FAXDC2: variants seen among roughly 807,000 people sequenced by gnomAD.
The protein encoded by FAXDC2 is fatty acid hydroxylase domain-containing protein 2.
FAXDC2 carries 41 observed loss-of-function variants against 40.9 expected under a neutral mutation model. That is an observed-to-expected ratio of 1.00 (90% CI 0.78 to 1.30). FAXDC2 has a LOEUF of 1.30. Ranked by LOEUF, FAXDC2 falls within the 50% of genes most tolerant of loss-of-function variation. FAXDC2 has a pLI of 0.00. For synonymous variants in FAXDC2, 157 were observed against 149.3 expected (o/e 1.05, Z -0.38); for missense variants, 390 against 408.8 (o/e 0.95, Z 0.40).
chr5:154,828,686 T>A (rs1336450886), intron 5 of FAXDC2, among the ~76,000 whole-genome samples: 3 of 151,470 alleles, frequency 2.0e-5, no homozygotes, highest in Non-Finnish European at 4.4e-5. Context: ...AGCCTTGAAC[T>A]CCTAGGTTCA....
rs750535766 is a variant in FAXDC2, at chr5:154,834,849, A to G, written c.134T>C (p.Val45Ala). 5.6e-6 allele frequency: 9 copies of G among 1,611,026 alleles called. No homozygotes were observed. Among genetic ancestry groups the G allele is most frequent in the Non-Finnish European group, 5.9e-6 (7 of 1,178,284 alleles). ...CTGGGTGGAGCCGACTTACCATGTC[A>G]CTGAGTTCCAGAAGGCCACAAATGA... ...LLSFVAFWNS[V>A]TWHLQRFWGA... Residue 45 changes from valine (V) to alanine (A), a missense_variant, in exon 3 of 9, where the codon GTG (valine) becomes GCG (alanine). Coordinates refer to ENST00000326080, the MANE Select transcript of FAXDC2 (RefSeq NM_032385.5).
chr5:154,847,365 C>G (rs936452260), intron 1 of FAXDC2, among the ~76,000 whole-genome samples: 1 of 152,048 alleles, frequency 6.6e-6, no homozygotes, highest in Non-Finnish European at 1.5e-5. Flanking sequence ...TTTACAACTT[C>G]AAGAATCTGA....
At chr5:154,837,216 A>G (rs764251740) in intron 2 of FAXDC2, among the ~76,000 whole-genome samples, 1 of 148,956 alleles carries the variant, frequency 6.7e-6, no homozygotes, top group Admixed American at 6.7e-5. Context: ...ACGTGCACAC[A>G]CTCTCTCTCT....
In FAXDC2 at chr5:154,833,708, C is replaced by T. The variant is rs114502473; in HGVS notation, c.244+917G>A. On this transcript the variant is annotated intron_variant, in intron 4 of 8. Transcript: ENST00000326080. ...TTTTTGAGACGAAGTTTCACACTGT[C>T]GCCCAGCTGGAGTGCAGTGTCATGA... is the stretch of plus-strand genomic sequence containing the variant. 6.7e-3 allele frequency among the ~76,000 whole-genome samples: 1,014 copies of T among 150,838 alleles called. 13 individuals carry two copies. The highest frequency in any genetic ancestry group is 0.023 in the African/African-American group (944 of 41,006).
intron 1 of FAXDC2, among the ~76,000 whole-genome samples, chr5:154,839,190 G>A (rs1368649547): frequency 1.3e-5 from 2 of 151,764 alleles, no homozygotes; most frequent in South Asian, 2.1e-4. Flanking sequence ...GCCAGGCATG[G>A]TGGTGCATGC....
chr5:154,849,412 T>A (rs1760680579), intron 1 of FAXDC2, among the ~76,000 whole-genome samples: 1 of 152,176 alleles, frequency 6.6e-6, no homozygotes, highest in Non-Finnish European at 1.5e-5. Context: ...TTGAGCTTAC[T>A]GTTCTGCTTG....
chr5:154,825,650 CAAAA>C (rs386358555), intron 5 of FAXDC2, among the ~76,000 whole-genome samples: 668 of 30,170 alleles, frequency 0.022, 79 homozygotes, highest in African/African-American at 0.097. Flanking sequence ...GACTCCGTCT[CAAAA>C]AAAAAAAAAA....
At chr5:154,821,625 T>C (rs1759891765) in intron 7 of FAXDC2, among the ~76,000 whole-genome samples, 199 bp from the exon 8 acceptor site, 1 of 152,148 alleles carries the variant, frequency 6.6e-6, no homozygotes, top group Non-Finnish European at 1.5e-5. Flanking sequence ...AGCCTCAACT[T>C]TCTTGTTAGC....
At chr5:154,828,601 T>G (rs1393617393) in intron 5 of FAXDC2, among the ~76,000 whole-genome samples, 2 of 151,044 alleles carry the variant, frequency 1.3e-5, no homozygotes, top group Admixed American at 6.6e-5. Flanking sequence ...TTTTTTGTTT[T>G]TTTTTTCCCC....
At chr5:154,821,015 T>G in intron 8 of FAXDC2, 1 of 484,338 alleles carries the variant, frequency 2.1e-6, no homozygotes, top group Non-Finnish European at 3.7e-6. Context: ...CTAAAGAGAA[T>G]GTCCAGAGCT....
chr5:154,834,945 G>GA lies in FAXDC2; in HGVS notation c.49-12_49-11insT. ...CCAGATGTGTCCCTCCTGGAGGAGG[G>GA]CAGGGAAGTGTCAGACCCCAGCAAG... On this transcript the variant is annotated splice_polypyrimidine_tract_variant and intron_variant, in intron 2 of 8. Coordinates refer to ENST00000326080, the MANE Select transcript of FAXDC2 (RefSeq NM_032385.5). 1 of 1,557,434 alleles carries GA rather than the reference G, an allele frequency of 6.4e-7. No individual in the cohort carries two copies.
Position 154,822,767 on chromosome 5 carries a change from C to G in FAXDC2, c.573-190G>C, listed in dbSNP as rs189576970. ...TTTGGGAGTGGGTTGCTTTGCTTCTCTATGCCAGTTGTATTCGCTGTAAAA... is the reference window on the plus strand; with the variant it reads ...TTTGGGAGTGGGTTGCTTTGCTTCTGTATGCCAGTTGTATTCGCTGTAAAA... On this transcript the variant is annotated intron_variant, in intron 6 of 8. Transcript: ENST00000326080. 4.8e-3 allele frequency among the ~76,000 whole-genome samples: 738 copies of G among 152,292 alleles called. 7 individuals carry two copies. The highest frequency in any genetic ancestry group is 7.9e-3 in the Non-Finnish European group (540 of 68,022).
rs1759942875 is a variant in FAXDC2, at chr5:154,823,582, A to G, written c.377T>C (p.Val126Ala). 2 of 1,613,922 alleles carry G rather than the reference A, an allele frequency of 1.2e-6. No homozygotes were observed. The highest frequency in any genetic ancestry group is 1.3e-5 in the African/African-American group (1 of 74,926). Residue 126 changes from valine (V) to alanine (A), a missense_variant, in exon 6 of 9, where the codon GTG (valine) becomes GCG (alanine). By Grantham distance (64) the Val-to-Ala change is moderately conservative. Transcript: ENST00000326080. ...QVGKNEPVDP[V>A]KLRQSIRTVL... ...TGTGCGGATAGACTGGCGCAGTTTC[A>G]CAGGATCCACCTGCCCAAGGGAAGG... is the stretch of plus-strand genomic sequence containing the variant.
chr5:154,841,957 C>T (rs879415927), intron 1 of FAXDC2, among the ~76,000 whole-genome samples: 5 of 152,038 alleles, frequency 3.3e-5, no homozygotes, highest in Non-Finnish European at 5.9e-5. Flanking sequence ...AGACCAGTCT[C>T]GAACTCCTGA....
At chr5:154,844,382 C>CA (rs1227960252) in intron 1 of FAXDC2, among the ~76,000 whole-genome samples, 3,057 of 89,930 alleles carry the variant, frequency 0.034, 35 homozygotes, top group Admixed American at 0.042. Flanking sequence ...ACCCTGCCTC[C>CA]AAAAAAAAAA....
intron 2 of FAXDC2, chr5:154,836,436 A>G (rs1370057131): frequency 6.6e-6 from 1 of 152,176 alleles, no homozygotes; most frequent in Non-Finnish European, 1.5e-5. Context: ...TGTATCACCA[A>G]TTTCCGTTGT....
intron 1 of FAXDC2, among the ~76,000 whole-genome samples, chr5:154,847,069 T>C (rs552058687): frequency 2.6e-5 from 4 of 152,214 alleles, no homozygotes; most frequent in Admixed American, 2.6e-4. Context: ...GCTCAGGTGA[T>C]CCTCCCACCT....
In FAXDC2 at chr5:154,823,455, G is replaced by GA. The variant is rs1428817000; in HGVS notation, c.503dup (p.His169ProfsTer40). 6.8e-6 allele frequency: 11 copies of GA among 1,614,222 alleles called. No individual in the cohort carries two copies. In the East Asian group the frequency reaches 2.5e-4, roughly 36 times the overall value. ...TGGCCAGCTCCAGGAGGAACCAGTGGAAGGTGGGTAGCTCACGGCGGCAGG... is the reference window on the plus strand; with the variant it reads ...TGGCCAGCTCCAGGAGGAACCAGTGGAAAGGTGGGTAGCTCACGGCGGCAGG... On this transcript the variant is annotated frameshift_variant, in exon 6 of 9. Transcript: ENST00000326080. LOFTEE classifies it high-confidence loss of function.
At chr5:154,825,649 T>TGAAAAAAAAAAAAAA (rs1760010015) in intron 5 of FAXDC2, among the ~76,000 whole-genome samples, 1 of 2,638 alleles carries the variant, frequency 3.8e-4, no homozygotes, top group Non-Finnish European at 1.8e-3. Context: ...AGACTCCGTC[T>TGAAAAAAAAAAAAAA]CAAAAAAAAA....
Sources: allele counts gnomAD v4.1 joint callset (sites outside exome capture counted in the v4.1 genomes callset), GRCh38; gene constraint gnomAD v4.1.1; transcripts MANE v1.5; gene names NCBI Gene and HGNC (gene_info 2026-07-23, HGNC 2026-07-21).